Variants in SEL1L3 observed in about 807,000 individuals in gnomAD.
SEL1L3 encodes the protein SEL1L family member 3, also known as protein sel-1 homolog 3.
A neutral mutation model predicts 142.8 loss-of-function variants in SEL1L3; 76 were observed. The ratio of observed to expected loss-of-function variants is 0.53; its 90% CI spans 0.44 to 0.64. The LOEUF (loss-of-function observed/expected upper bound fraction) is 0.64, where lower values mean the gene tolerates loss of function less well. Ranked by LOEUF, SEL1L3 falls within the 30% of genes least tolerant of loss-of-function variation. SEL1L3 has a pLI of 0.00. For synonymous variants in SEL1L3, 504 were observed against 519.6 expected, an observed-to-expected ratio of 0.97 and a Z score of 0.41; for missense variants, 1,262 against 1,381.7, an observed-to-expected ratio of 0.91 and a Z score of 1.37.
intron 14 of SEL1L3, 117 bp downstream of exon 14, chr4:25,784,111 C>G (rs1158416665): frequency 1.2e-6 from 1 of 849,476 alleles, no homozygotes; most frequent in East Asian, 2.5e-5. Context: ...TGCTCACCAC[C>G]CCGTTTCCAC....
At chr4:25,822,516 A>T (rs568492176) in intron 6 of SEL1L3, among the ~76,000 whole-genome samples, 5 of 152,206 alleles carry the variant, frequency 3.3e-5, no homozygotes, top group Non-Finnish European at 5.9e-5. Flanking sequence ...AATCAATGGA[A>T]TTGTCTGGAA....
the SEL1L3 span, among the ~76,000 whole-genome samples, chr4:25,723,742 C>T: frequency 1.3e-5 from 2 of 152,164 alleles, no homozygotes; most frequent in Non-Finnish European, 2.9e-5. Flanking sequence ...TGCTGGTCCT[C>T]ACAGCTCTGC....
intron 23 of SEL1L3, chr4:25,756,489 T>TC (rs1473985264): frequency 1.0e-6 from 1 of 984,470 alleles, no homozygotes; most frequent in Non-Finnish European, 1.2e-6. Context: ...GCATTTTTTT[T>TC]CACTTAATAT....
At chr4:25,728,243 T>C in the SEL1L3 span, among the ~76,000 whole-genome samples, 2 of 152,154 alleles carry the variant, frequency 1.3e-5, no homozygotes, top group Admixed American at 6.5e-5. Context: ...ACTTTCAGTT[T>C]CTTGACCCAT....
chr4:25,863,526 A>T (rs1717905824), upstream of SEL1L3: 1 of 702,646 alleles, frequency 1.4e-6, no homozygotes, highest in South Asian at 1.5e-5. Context: ...CGCAGGGCGC[A>T]GGGCGAGTGT....
At chr4:25,802,191 G>A in intron 11 of SEL1L3, 92 bp downstream of exon 11, 6 of 1,150,062 alleles carry the variant, frequency 5.2e-6, no homozygotes, top group Non-Finnish European at 7.4e-6. Flanking sequence ...AACCTCTGAA[G>A]GCCAACTACA....
downstream of SEL1L3, among the ~76,000 whole-genome samples, chr4:25,746,515 T>TATATATATATATATATATTTAA (rs535369928): frequency 1.4e-4 from 10 of 70,812 alleles, no homozygotes; most frequent in African/African-American, 4.0e-4. Flanking sequence ...TAAATATATA[T>TATATATATATATATATATTTAA]ATATATATAT....
At chr4:25,727,188 G>A in the SEL1L3 span, among the ~76,000 whole-genome samples, 3 of 152,090 alleles carry the variant, frequency 2.0e-5, no homozygotes, top group Non-Finnish European at 2.9e-5. Context: ...AAGTAGCTGG[G>A]ACTACAGGCC....
At chr4:25,750,281 A>G (rs1349091670) in intron 23 of SEL1L3, among the ~76,000 whole-genome samples, 3 of 151,898 alleles carry the variant, frequency 2.0e-5, no homozygotes, top group African/African-American at 2.4e-5. Context: ...CCCAGCCACA[A>G]TGGCTGCTTT....
chr4:25,747,881 C>T lies in SEL1L3; in HGVS notation c.*544G>A, dbSNP rs1378572650. 2 of 152,686 alleles carry T rather than the reference C, an allele frequency of 1.3e-5. No homozygotes were observed. Among genetic ancestry groups the T allele is most frequent in the African/African-American group, 4.8e-5 (2 of 41,444 alleles). The allele number at this position is 152,686 out of a possible 1,614,324, so 9.5% of individuals were successfully genotyped here. A position where few individuals can be genotyped will look rare whatever the true frequency, so the allele number is the denominator to read the frequency against. On this transcript the variant is annotated 3_prime_UTR_variant, in exon 24 of 24. Transcript: ENST00000399878. ...ACCAATTTACAAAGCTATTGCCCTC[C>T]CTGCATTTCCAGGCACAAACAATTT...
intron 9 of SEL1L3, among the ~76,000 whole-genome samples, chr4:25,805,402 G>A (rs1198373042): frequency 6.6e-6 from 1 of 152,136 alleles, no homozygotes; most frequent in Non-Finnish European, 1.5e-5. Context: ...AGAATAACTT[G>A]TCTAAAGTTA....
intron 23 of SEL1L3, among the ~76,000 whole-genome samples, chr4:25,757,199 C>A (rs1029128677): frequency 2.0e-5 from 3 of 151,926 alleles, no homozygotes; most frequent in African/African-American, 7.3e-5. Context: ...ACCCAGAAGG[C>A]AGAGGTTGCA....
intron 2 of SEL1L3, among the ~76,000 whole-genome samples, chr4:25,837,501 C>A (rs779134124): frequency 2.6e-5 from 4 of 151,536 alleles, no homozygotes; most frequent in Admixed American, 2.0e-4. Context: ...AACGGGAGAA[C>A]TTGCCGCAAT....
At chr4:25,837,111 C>A (rs1715880908) in intron 2 of SEL1L3, among the ~76,000 whole-genome samples, 2 of 151,862 alleles carry the variant, frequency 1.3e-5, no homozygotes, top group East Asian at 3.9e-4. Flanking sequence ...TTTGGGCCCA[C>A]TGGACTTGCT....
chr4:25,862,033 A>C (rs960374603), intron 1 of SEL1L3: 1 of 152,254 alleles, frequency 6.6e-6, no homozygotes, highest in Non-Finnish European at 1.5e-5. Flanking sequence ...GACAATGTTC[A>C]AGACGCAGCT....
chr4:25,809,474 G>C (rs1713870679), intron 9 of SEL1L3, among the ~76,000 whole-genome samples: 1 of 152,074 alleles, frequency 6.6e-6, no homozygotes, highest in Admixed American at 6.6e-5. Flanking sequence ...AATAGAGACA[G>C]GGCTTCGCTA....
chr4:25,785,500 G>A (rs922465778), intron 13 of SEL1L3, among the ~76,000 whole-genome samples: 1 of 152,200 alleles, frequency 6.6e-6, no homozygotes, highest in African/African-American at 2.4e-5. Flanking sequence ...GGATATGCTT[G>A]ACTGTGTATC....
At chr4:25,772,811 T>TTTA (rs1560288494) in intron 17 of SEL1L3, among the ~76,000 whole-genome samples, 5 of 152,070 alleles carry the variant, frequency 3.3e-5, no homozygotes, top group African/African-American at 4.8e-5. Flanking sequence ...TTATTTATTT[T>TTTA]TTTTGAAAGG....
the SEL1L3 span, among the ~76,000 whole-genome samples, chr4:25,736,975 TTTTTTC>T: frequency 2.2e-5 from 1 of 45,662 alleles, no homozygotes; most frequent in Non-Finnish European, 6.1e-5. Flanking sequence ...GCTACTCTTT[TTTTTTC>T]TTTTTCTTTT....
Sources: gnomAD v4.1 joint callset for allele counts (sites outside exome capture counted in the v4.1 genomes callset) on GRCh38, gnomAD v4.1.1 for gene constraint, MANE v1.5 for transcripts, NCBI Gene and HGNC (gene_info 2026-07-23, HGNC 2026-07-21) for gene names.